UST: variants seen among roughly 807,000 people sequenced by gnomAD.
The protein encoded by UST is chondroitin sulfate 2-O-sulfotransferase.
A neutral mutation model predicts 45.6 loss-of-function variants in UST; 21 were observed. That is an observed-to-expected ratio of 0.46 (90% CI 0.33 to 0.66). UST has a LOEUF of 0.66. Among genes scored for constraint, UST ranks in the 30% least tolerant of loss-of-function variants. The probability of loss-of-function intolerance (pLI) is 0.02; values close to 1 mark genes in which losing one functional copy is unlikely to be tolerated. For missense variants in UST, 463 were observed against 512.4 expected (o/e 0.90, Z 0.93); for synonymous variants, 215 against 200.6 (o/e 1.07, Z -0.61).
At chr6:149,051,199 G>A (rs1411230088) in intron 7 of UST, among the ~76,000 whole-genome samples, 2 of 152,206 alleles carry the variant, frequency 1.3e-5, no homozygotes, top group Non-Finnish European at 2.9e-5. Flanking sequence ...CAGCAGCCAA[G>A]AAAAGTCTCA....
chr6:148,848,886 G>A (rs911532977), intron 1 of UST, among the ~76,000 whole-genome samples: 3 of 152,060 alleles, frequency 2.0e-5, no homozygotes, highest in African/African-American at 4.8e-5. Context: ...CAAGTCAGAA[G>A]GCCCAAGAAC....
intron 1 of UST, among the ~76,000 whole-genome samples, chr6:148,813,509 G>C (rs576894529): frequency 6.6e-6 from 1 of 152,132 alleles, no homozygotes; most frequent in East Asian, 1.9e-4. Flanking sequence ...AGCCTCCCGA[G>C]TAGCTGGGAT....
chr6:148,804,693 C>T (rs1382007274), intron 1 of UST, among the ~76,000 whole-genome samples: 3 of 152,050 alleles, frequency 2.0e-5, no homozygotes, highest in African/African-American at 2.4e-5. Flanking sequence ...ATATCATATA[C>T]TGGAAATGTG....
At chr6:148,751,226 A>C (rs1007837380) in intron 1 of UST, among the ~76,000 whole-genome samples, 5 of 152,236 alleles carry the variant, frequency 3.3e-5, no homozygotes, top group African/African-American at 9.7e-5. Flanking sequence ...AAAGTATTTA[A>C]AAATGTGATT....
chr6:149,037,038 C>G (rs1776248487), intron 7 of UST, among the ~76,000 whole-genome samples: 2 of 152,048 alleles, frequency 1.3e-5, no homozygotes, highest in African/African-American at 4.8e-5. Flanking sequence ...TGTTAGGTGT[C>G]AGTTTGGGGG....
intron 5 of UST, among the ~76,000 whole-genome samples, chr6:149,004,925 C>T (rs1295763742): frequency 6.6e-6 from 1 of 152,070 alleles, no homozygotes; most frequent in Non-Finnish European, 1.5e-5. Flanking sequence ...CCTTGACCTC[C>T]AGGGTCAAGT....
chr6:148,942,819 A>T (rs1430459543), intron 3 of UST, among the ~76,000 whole-genome samples: 2 of 152,144 alleles, frequency 1.3e-5, no homozygotes, highest in Non-Finnish European at 1.5e-5. Context: ...CAAATTGCCC[A>T]CTCCTTTGCA....
intron 4 of UST, among the ~76,000 whole-genome samples, chr6:148,962,468 G>A (rs539116210): frequency 3.3e-5 from 5 of 152,314 alleles, no homozygotes; most frequent in African/African-American, 7.2e-5. Flanking sequence ...TGCATATTTG[G>A]TATGCAAGCC....
At chr6:149,059,316 C>A (rs138896136) in intron 7 of UST, among the ~76,000 whole-genome samples, 1 of 152,356 alleles carries the variant, frequency 6.6e-6, no homozygotes, top group East Asian at 1.9e-4. Flanking sequence ...TGAACCGAAA[C>A]CTCTACAAGT....
chr6:148,780,088 T>TAC (rs539630954), intron 1 of UST, among the ~76,000 whole-genome samples: 6 of 112,644 alleles, frequency 5.3e-5, no homozygotes, highest in East Asian at 6.7e-4. Context: ...TGTATATATA[T>TAC]ACACACACAC....
intron 2 of UST, among the ~76,000 whole-genome samples, chr6:148,915,379 C>A (rs1779567730): frequency 6.6e-6 from 1 of 152,048 alleles, no homozygotes; most frequent in African/African-American, 2.4e-5. Flanking sequence ...CCAAAATGGC[C>A]CCTGGAGCTC....
At chr6:148,831,689 GC>G (rs1265040261) in intron 1 of UST, among the ~76,000 whole-genome samples, 3 of 152,110 alleles carry the variant, frequency 2.0e-5, no homozygotes, top group Non-Finnish European at 4.4e-5. Context: ...CAGCTACTCG[GC>G]AGGCTGAGGC....
At chr6:149,012,135 C>G (rs1399664517) in intron 5 of UST, among the ~76,000 whole-genome samples, 3 of 152,186 alleles carry the variant, frequency 2.0e-5, no homozygotes, top group African/African-American at 7.2e-5. Flanking sequence ...TCCTGGATGG[C>G]TGTATTGAGA....
chr6:148,781,575 A>G (rs552975572), intron 1 of UST, among the ~76,000 whole-genome samples: 2 of 151,538 alleles, frequency 1.3e-5, no homozygotes, highest in East Asian at 3.9e-4. Flanking sequence ...AGATCTAGCT[A>G]GGATCATTGT....
chr6:149,016,262 A>G (rs1045168129), intron 5 of UST, among the ~76,000 whole-genome samples: 3 of 152,346 alleles, frequency 2.0e-5, no homozygotes, highest in Middle Eastern at 3.4e-3. Context: ...GTCTTCCTAT[A>G]AATTGACCTC....
rs189104909 is a variant in UST at position 148,953,680 on chromosome 6, G to A, written c.448-192G>A. Among the ~76,000 whole-genome samples, 152 of 151,394 alleles carry A rather than the reference G, an allele frequency of 1.0e-3. 2 individuals carry two copies. Among genetic ancestry groups the A allele is most frequent in the Admixed American group, 7.0e-3 (106 of 15,176 alleles). On this transcript the variant is annotated intron_variant, in intron 3 of 7. Coordinates refer to ENST00000367463, the MANE Select transcript of UST (RefSeq NM_005715.3). ...CAGCTACTCAGAGAGGCTGAGGCAG[G>A]AGAATGGCGTGAACCCGGGAGGCGG... is the stretch of plus-strand genomic sequence containing the variant.
intron 7 of UST, among the ~76,000 whole-genome samples, chr6:149,063,746 C>T (rs1426850910): frequency 6.6e-6 from 1 of 152,154 alleles, no homozygotes; most frequent in East Asian, 1.9e-4. Flanking sequence ...CTCAAGAAGC[C>T]TGTACAGAGG....
intron 7 of UST, among the ~76,000 whole-genome samples, chr6:149,067,966 A>G (rs1776766012): frequency 6.6e-6 from 1 of 152,192 alleles, no homozygotes. Flanking sequence ...AACTCTGCAA[A>G]TAGTGGTTGT....
chr6:148,923,337 T>G (rs73778962), intron 2 of UST, among the ~76,000 whole-genome samples: 9,407 of 152,256 alleles, frequency 0.062, 474 homozygotes, highest in African/African-American at 0.14. Flanking sequence ...TATGTTTAGC[T>G]TTTTGAGGAG....
Sources: gnomAD v4.1 joint callset for allele counts (sites outside exome capture counted in the v4.1 genomes callset) on GRCh38, gnomAD v4.1.1 for gene constraint, MANE v1.5 for transcripts, NCBI Gene and HGNC (gene_info 2026-07-23, HGNC 2026-07-21) for gene names.